Variants in NUDCD3 observed in about 807,000 individuals in gnomAD.
The protein encoded by NUDCD3 is nudC domain-containing protein 3.
Under a neutral mutation model 39.7 loss-of-function variants are expected in NUDCD3, and 13 were observed. That is an observed-to-expected ratio of 0.33 (90% CI 0.21 to 0.52). NUDCD3 has a LOEUF of 0.52. NUDCD3 is among the 20% of genes least tolerant of loss of function. The pLI, the probability that NUDCD3 is intolerant of heterozygous loss-of-function variation, is 0.96. For missense variants in NUDCD3, 453 were observed against 458.1 expected, an observed-to-expected ratio of 0.99 and a Z score of 0.10; for synonymous variants, 175 against 172.4, an observed-to-expected ratio of 1.02 and a Z score of -0.12.
intron 2 of NUDCD3, among the ~76,000 whole-genome samples, chr7:44,472,147 C>A (rs1022506704): frequency 6.6e-6 from 1 of 152,122 alleles, no homozygotes; most frequent in Non-Finnish European, 1.5e-5. Flanking sequence ...TCCATCCTTC[C>A]AGTTGCTCAG....
At chr7:44,430,312 A>AGG in intron 2 of NUDCD3, among the ~76,000 whole-genome samples, 1 of 152,266 alleles carries the variant, frequency 6.6e-6, no homozygotes, top group East Asian at 1.9e-4. Context: ...AGACACAGAG[A>AGG]GGGGGACTCA....
intron 4 of NUDCD3, among the ~76,000 whole-genome samples, chr7:44,393,889 G>A (rs1050389450): frequency 2.0e-5 from 3 of 152,224 alleles, no homozygotes; most frequent in South Asian, 2.1e-4. Context: ...AGGACACCAC[G>A]TCCCCCCAAG....
Position 44,427,717 on chromosome 7 carries a change from A to G in NUDCD3, c.510-14T>C. On this transcript the variant is annotated splice_polypyrimidine_tract_variant and intron_variant, in intron 2 of 5. Transcript: ENST00000355451. ...TGCTCCTGAATCCTGAGAAAGAATA[A>G]AAAATGTGATCCCAGTCAGCCATGC... 6.2e-7 allele frequency: 1 copy of G among 1,613,220 alleles called. No homozygotes were observed. The highest frequency in any genetic ancestry group is 8.5e-7 in the Non-Finnish European group (1 of 1,179,720).
intron 1 of NUDCD3, among the ~76,000 whole-genome samples, chr7:44,486,931 A>G (rs936770460): frequency 1.3e-5 from 2 of 152,140 alleles, no homozygotes; most frequent in Non-Finnish European, 2.9e-5. Context: ...CTGGAAGAGA[A>G]CTCTAATCTG....
intron 4 of NUDCD3, among the ~76,000 whole-genome samples, chr7:44,400,483 C>T (rs925493930): frequency 4.6e-5 from 7 of 152,206 alleles, no homozygotes; most frequent in South Asian, 2.1e-4. Flanking sequence ...CAGCTCTGGA[C>T]GCCATCCCTT....
At chr7:44,394,377 C>T (rs571977642) in intron 4 of NUDCD3, among the ~76,000 whole-genome samples, 6 of 152,298 alleles carry the variant, frequency 3.9e-5, no homozygotes, top group South Asian at 2.1e-4. Context: ...GTTTGTGTGA[C>T]GGGGACCTGA....
intron 1 of NUDCD3, among the ~76,000 whole-genome samples, chr7:44,487,411 T>G: frequency 1.4e-5 from 2 of 145,576 alleles, no homozygotes; most frequent in Admixed American, 6.9e-5. Context: ...CTGGTGGGGG[T>G]GGAGAGGCAG....
At chr7:44,424,369 G>A (rs1264862546) in intron 3 of NUDCD3, among the ~76,000 whole-genome samples, 1 of 151,980 alleles carries the variant, frequency 6.6e-6, no homozygotes, top group African/African-American at 2.4e-5. Context: ...CCACAGAATG[G>A]GAGAAAATTT....
rs573452527 is a variant in NUDCD3, at chr7:44,430,903, G to A, written c.510-3200C>T. Among the ~76,000 whole-genome samples, 5 of 152,222 alleles carry A rather than the reference G, an allele frequency of 3.3e-5. No individual in the cohort carries two copies. In the East Asian group the frequency reaches 9.7e-4, roughly 29 times the overall value. ...CAGTAAAGCTGTATGCTTTTGGAAA[G>A]GGCTCTGATCACACAGAACCTGCCT... On this transcript the variant is annotated intron_variant, in intron 2 of 5. Transcript: ENST00000355451.
At chr7:44,464,282 C>T (rs1054471754) in intron 2 of NUDCD3, among the ~76,000 whole-genome samples, 1 of 150,826 alleles carries the variant, frequency 6.6e-6, no homozygotes, top group African/African-American at 2.4e-5. Flanking sequence ...CTCCAAATAA[C>T]AGTCCCTCAA....
At chr7:44,404,233 T>A (rs1798775447) in intron 4 of NUDCD3, among the ~76,000 whole-genome samples, 1 of 152,168 alleles carries the variant, frequency 6.6e-6, no homozygotes, top group Non-Finnish European at 1.5e-5. Flanking sequence ...CTCTTGGGAA[T>A]GACCAAGACC....
At chr7:44,433,775 T>C (rs571718674) in intron 2 of NUDCD3, among the ~76,000 whole-genome samples, 93 of 152,278 alleles carry the variant, frequency 6.1e-4, no homozygotes, top group African/African-American at 2.1e-3. Context: ...TTTCTTCACA[T>C]GCCACTGTGA....
chr7:44,413,521 A>G (rs1367085723), intron 3 of NUDCD3, among the ~76,000 whole-genome samples: 1 of 152,238 alleles, frequency 6.6e-6, no homozygotes, highest in Admixed American at 6.5e-5. Context: ...GGCAAAAGAT[A>G]TAACTAGTTC....
chr7:44,412,406 G>C (rs1798943708), intron 3 of NUDCD3, among the ~76,000 whole-genome samples: 2 of 152,236 alleles, frequency 1.3e-5, no homozygotes, highest in South Asian at 4.1e-4. Flanking sequence ...TTCAGCTTCA[G>C]TTGTATCTAA....
At chr7:44,387,281 C>T (rs938502610) in intron 5 of NUDCD3, among the ~76,000 whole-genome samples, 2 of 152,352 alleles carry the variant, frequency 1.3e-5, no homozygotes, top group African/African-American at 4.8e-5. Flanking sequence ...CCACCTCAGC[C>T]TCCTGAGTAC....
At chr7:44,482,856 A>G (rs1321134619) in intron 2 of NUDCD3, among the ~76,000 whole-genome samples, 1 of 152,252 alleles carries the variant, frequency 6.6e-6, no homozygotes, top group African/African-American at 2.4e-5. Context: ...AAGTATATTG[A>G]AGGATTTAAA....
At chr7:44,489,346 G>A (rs1386968633) in intron 1 of NUDCD3, among the ~76,000 whole-genome samples, 1 of 152,150 alleles carries the variant, frequency 6.6e-6, no homozygotes, top group African/African-American at 2.4e-5. Context: ...AATCCTAATG[G>A]AACCCCATTC....
At chr7:44,488,338 GAAAAAAAAAAA>G (rs368893785) in intron 1 of NUDCD3, among the ~76,000 whole-genome samples, 1 of 108,252 alleles carries the variant, frequency 9.2e-6, no homozygotes, top group South Asian at 3.0e-4. Context: ...CCATCTCCAG[GAAAAAAAAAAA>G]AAAAAAAAGA....
intron 2 of NUDCD3, among the ~76,000 whole-genome samples, chr7:44,461,349 G>C (rs1328600168): frequency 1.3e-5 from 2 of 152,320 alleles, no homozygotes; most frequent in East Asian, 3.9e-4. Flanking sequence ...CTGACTGCTA[G>C]AACAGAGCCT....
Sources: allele counts gnomAD v4.1 joint callset (sites outside exome capture counted in the v4.1 genomes callset), GRCh38; gene constraint gnomAD v4.1.1; transcripts MANE v1.5; gene names NCBI Gene and HGNC (gene_info 2026-07-23, HGNC 2026-07-21).